The following GRIK2 variants were observed in gnomAD, a reference collection of about 807,000 sequenced individuals.
GRIK2 encodes glutamate receptor ionotropic, kainate 2.
In GRIK2, 32 loss-of-function variants were observed where a neutral mutation model predicts 100.3. The observed-to-expected ratio is 0.32, with a 90% confidence interval of 0.24 to 0.43. The LOEUF (loss-of-function observed/expected upper bound fraction) is 0.43. Ranked by LOEUF, GRIK2 falls within the 20% of genes least tolerant of loss-of-function variation. The probability of loss-of-function intolerance (pLI) is 1.00; values close to 1 mark genes in which losing one functional copy is unlikely to be tolerated. For missense variants in GRIK2, 843 were observed against 1,114.9 expected, an observed-to-expected ratio of 0.76 and a Z score of 3.47; for synonymous variants, 417 against 389.4, an observed-to-expected ratio of 1.07 and a Z score of -0.83.
At chr6:101,413,909 A>C (rs1775993871) in intron 2 of GRIK2, among the ~76,000 whole-genome samples, 1 of 152,056 alleles carries the variant, frequency 6.6e-6, no homozygotes, top group Non-Finnish European at 1.5e-5. Context: ...ACAAGCAACC[A>C]GTCATAAAAT....
At chr6:101,755,802 ATATAT>A (rs1322494870) in intron 7 of GRIK2, among the ~76,000 whole-genome samples, 1 of 152,314 alleles carries the variant, frequency 6.6e-6, no homozygotes, top group South Asian at 2.1e-4. Flanking sequence ...ATATTGTGAA[ATATAT>A]TATTCTCTTA....
chr6:101,661,833 G>A (rs530442577), intron 4 of GRIK2, among the ~76,000 whole-genome samples: 1 of 152,012 alleles, frequency 6.6e-6, no homozygotes, highest in East Asian at 1.9e-4. Context: ...AATGAGATGA[G>A]CTGGGTACCT....
chr6:101,939,593 A>C (rs754811558), intron 14 of GRIK2, among the ~76,000 whole-genome samples: 6 of 152,154 alleles, frequency 3.9e-5, no homozygotes, highest in Non-Finnish European at 7.4e-5. Context: ...ATCTCACTGA[A>C]AAGATAAAGT....
At chr6:102,044,738 C>T (rs1770788244) in intron 15 of GRIK2, among the ~76,000 whole-genome samples, 1 of 151,928 alleles carries the variant, frequency 6.6e-6, no homozygotes, top group Non-Finnish European at 1.5e-5. Flanking sequence ...AATTTATCCC[C>T]TCTTCCCTAC....
intron 2 of GRIK2, among the ~76,000 whole-genome samples, chr6:101,471,108 C>T (rs1562161459): frequency 6.6e-6 from 1 of 151,956 alleles, no homozygotes; most frequent in Non-Finnish European, 1.5e-5. Flanking sequence ...TTTTTATTTG[C>T]ATACACATCA....
intron 14 of GRIK2, among the ~76,000 whole-genome samples, chr6:102,006,386 A>AT (rs201845048): frequency 6.8e-4 from 76 of 111,186 alleles, no homozygotes; most frequent in East Asian, 1.4e-3. Flanking sequence ...ATATATATAT[A>AT]TATATTTTTT....
chr6:101,795,318 T>A (rs1198333763), intron 7 of GRIK2, among the ~76,000 whole-genome samples: 1 of 152,234 alleles, frequency 6.6e-6, no homozygotes, highest in African/African-American at 2.4e-5. Flanking sequence ...CAGTGGTGTC[T>A]GTGATTTCCG....
chr6:101,665,650 T>A (rs1769973680), intron 4 of GRIK2, among the ~76,000 whole-genome samples: 2 of 152,194 alleles, frequency 1.3e-5, no homozygotes, highest in Admixed American at 6.5e-5. Context: ...TACAAATATA[T>A]AGGAGCAATA....
intron 14 of GRIK2, among the ~76,000 whole-genome samples, chr6:101,982,761 C>G (rs1793792002): frequency 6.6e-6 from 1 of 151,048 alleles, no homozygotes; most frequent in South Asian, 2.1e-4. Context: ...CAAAATGCTT[C>G]AAAAGATCCA....
In GRIK2 at chr6:101,488,748, A is replaced by ATGCTTCTATTTAATTTTCAAAG. The variant is rs1772955718; in HGVS notation, c.115+89358_115+89379dup. Among the ~76,000 whole-genome samples, 2 of 146,604 alleles carry ATGCTTCTATTTAATTTTCAAAG rather than the reference A, an allele frequency of 1.4e-5. 1 individual carries two copies. The highest frequency in any genetic ancestry group is 5.2e-5 in the African/African-American group (2 of 38,498). Reference sequence around the variant, plus strand: ...TATTCACAAATAAACACTTTTTTTAATGCTTCTATTTAATTTTCAAAGTTT... The same window carrying ATGCTTCTATTTAATTTTCAAAG: ...TATTCACAAATAAACACTTTTTTTAATGCTTCTATTTAATTTTCAAAGTGCTTCTATTTAATTTTCAAAGTTT... On this transcript the variant is annotated intron_variant, in intron 2 of 16. Coordinates refer to ENST00000369134, the MANE Select transcript of GRIK2 (RefSeq NM_021956.5).
At chr6:101,451,748 A>C (rs566057975) in intron 2 of GRIK2, among the ~76,000 whole-genome samples, 1 of 151,586 alleles carries the variant, frequency 6.6e-6, no homozygotes, top group East Asian at 1.9e-4. Flanking sequence ...GAAAGGTGAA[A>C]TAATATATTT....
At position 101,408,912 on chromosome 6, in the gene GRIK2, G is replaced by A. The variant is rs577432796; in HGVS notation, c.115+9520G>A. On this transcript the variant is annotated intron_variant, in intron 2 of 16. Coordinates refer to ENST00000369134, the MANE Select transcript of GRIK2 (RefSeq NM_021956.5). ...AAGCAAAATTCTGAAAGGAAATAAA[G>A]GAATGTCTTCTTAAGACATGGCCAG... 2.0e-5 allele frequency among the ~76,000 whole-genome samples: 3 copies of A among 152,118 alleles called. No individual in the cohort carries two copies. The East Asian group carries it at 5.8e-4, about 29-fold the overall frequency.
intron 4 of GRIK2, among the ~76,000 whole-genome samples, chr6:101,654,871 G>A (rs1396263768): frequency 6.6e-6 from 1 of 152,106 alleles, no homozygotes; most frequent in East Asian, 1.9e-4. Flanking sequence ...CATCTTGCAT[G>A]TACTACTCTC....
At chr6:101,477,364 T>C (rs917534320) in intron 2 of GRIK2, among the ~76,000 whole-genome samples, 1 of 152,144 alleles carries the variant, frequency 6.6e-6, no homozygotes, top group African/African-American at 2.4e-5. Context: ...CAGGTCAATG[T>C]TTTATTTTTC....
chr6:101,790,848 TG>T (rs1315428264), intron 7 of GRIK2, among the ~76,000 whole-genome samples: 214 of 151,420 alleles, frequency 1.4e-3, no homozygotes, highest in Non-Finnish European at 1.3e-3. Flanking sequence ...GGACTCTTTT[TG>T]GTTGGTAAGC....
At chr6:101,704,454 T>A (rs1305673353) in intron 7 of GRIK2, among the ~76,000 whole-genome samples, 1 of 151,740 alleles carries the variant, frequency 6.6e-6, no homozygotes, top group Non-Finnish European at 1.5e-5. Flanking sequence ...AAGATACAAT[T>A]AAATTTTATT....
At chr6:101,431,223 C>A in intron 2 of GRIK2, 1 of 182,394 alleles carries the variant, frequency 5.5e-6, no homozygotes. Context: ...CATGTTGTAC[C>A]AGTTGGAAAT....
chr6:101,761,332 A>G (rs1777649813), intron 7 of GRIK2, among the ~76,000 whole-genome samples: 2 of 152,122 alleles, frequency 1.3e-5, no homozygotes, highest in South Asian at 4.2e-4. Flanking sequence ...GTGTGACTCT[A>G]ATGATTTTTA....
At position 101,855,788 on chromosome 6, in the gene GRIK2, A is replaced by G. The variant is rs544045254; in HGVS notation, c.1318-3499A>G. ...CACAATAAAAGCAGATTTAGTTTTT[A>G]CAAGATTGCTACGACTTTCTGGGGA... On this transcript the variant is annotated intron_variant, in intron 10 of 16. Coordinates refer to ENST00000369134, the MANE Select transcript of GRIK2 (RefSeq NM_021956.5). 8.6e-5 allele frequency among the ~76,000 whole-genome samples: 13 copies of G among 150,426 alleles called. No homozygotes were observed. The South Asian group carries it at 2.3e-3, about 27-fold the overall frequency.
Sources: gnomAD v4.1 joint callset for allele counts (sites outside exome capture counted in the v4.1 genomes callset) on GRCh38, gnomAD v4.1.1 for gene constraint, MANE v1.5 for transcripts, NCBI Gene and HGNC (gene_info 2026-07-23, HGNC 2026-07-21) for gene names.